SASS6: variants seen among roughly 807,000 people sequenced by gnomAD.
The protein encoded by SASS6 is spindle assembly abnormal protein 6 homolog.
A neutral mutation model predicts 94.9 loss-of-function variants in SASS6; 59 were observed. The ratio of observed to expected loss-of-function variants is 0.62; its 90% CI spans 0.50 to 0.77. The LOEUF (loss-of-function observed/expected upper bound fraction) is 0.77. Among genes scored for constraint, SASS6 ranks in the 30% least tolerant of loss-of-function variants. The pLI is 0.00. For missense variants in SASS6, 698 were observed against 734.1 expected, an observed-to-expected ratio of 0.95 and a Z score of 0.57; for synonymous variants, 264 against 270.0, an observed-to-expected ratio of 0.98 and a Z score of 0.22.
Position 100,105,905 on chromosome 1 carries a change from T to C in SASS6, c.1409-2A>G. 1 of 1,582,622 alleles carries C rather than the reference T, an allele frequency of 6.3e-7. No individual in the cohort carries two copies. Among genetic ancestry groups the C allele is most frequent in the African/African-American group, 1.4e-5 (1 of 73,762 alleles). On this transcript the variant is annotated splice_acceptor_variant, in intron 12 of 16. Transcript: ENST00000287482. LOFTEE classifies it high-confidence loss of function. ...GTTCTTTATTTAACCACGTGATTACTTAAATAAAAGAACAAGAAGCAAGGT... is the reference window on the plus strand; with the variant it reads ...GTTCTTTATTTAACCACGTGATTACCTAAATAAAAGAACAAGAAGCAAGGT...
At position 100,107,994 on chromosome 1, in the gene SASS6, C is replaced by T. The variant is rs1008962051; in HGVS notation, c.872G>A (p.Arg291Gln). 4.4e-6 allele frequency: 7 copies of T among 1,597,364 alleles called. No individual in the cohort carries two copies. The highest frequency in any genetic ancestry group is 2.3e-5 in the South Asian group (2 of 88,586). The change falls in exon 9 of 17, where the codon CGG becomes CAG. Residue 291 changes from arginine (R) to glutamine (Q), a missense_variant. Arg to Gln is a conservative substitution (Grantham distance 43). Transcript: ENST00000287482. ...CAAAGAGAGGACTTCTTGCTTAGTCCGCTGTAGCTCCTAGAATGGGAAAAG... is the reference window on the plus strand; with the variant it reads ...CAAAGAGAGGACTTCTTGCTTAGTCTGCTGTAGCTCCTAGAATGGGAAAAG... ...KLSGVEEELQ[R>Q]TKQEVLSLRR...
chr1:100,107,057 G>T, intron 11 of SASS6, 64 bp from the exon 12 acceptor site: 1 of 694,188 alleles, frequency 1.4e-6, no homozygotes, highest in South Asian at 1.8e-5. Flanking sequence ...ACTGAAGAAT[G>T]TATTATTATT....
Position 100,101,241 on chromosome 1 carries a change from G to T in SASS6, c.1674+1714C>A, listed in dbSNP as rs191389441. On this transcript the variant is annotated intron_variant, in intron 14 of 16. Coordinates refer to ENST00000287482, the MANE Select transcript of SASS6 (RefSeq NM_194292.3). The stretch of plus-strand genomic sequence containing the variant: ...CCGCCTTCTTAACCAATAATTATAC[G>T]GCATATAGTATTTCAGTAGTATATG... Among the ~76,000 whole-genome samples, 3 of 151,580 alleles carry T rather than the reference G, an allele frequency of 2.0e-5. No individual in the cohort carries two copies. In the East Asian group the frequency reaches 5.8e-4, roughly 29 times the overall value.
intron 14 of SASS6, among the ~76,000 whole-genome samples, chr1:100,091,975 T>A (rs1312904116): frequency 8.4e-6 from 1 of 118,530 alleles, no homozygotes; most frequent in Non-Finnish European, 1.6e-5. Context: ...ACCACTGTAC[T>A]CCAGCCTGAG....
chr1:100,099,404 C>T (rs1382798904), intron 14 of SASS6: 1 of 153,502 alleles, frequency 6.5e-6, no homozygotes, highest in Non-Finnish European at 1.5e-5. Flanking sequence ...CAAAAGAGAC[C>T]TTACAGTAAT....
chr1:100,099,573 G>C (rs1402591948), intron 14 of SASS6: 1 of 152,228 alleles, frequency 6.6e-6, no homozygotes, highest in African/African-American at 2.4e-5. Flanking sequence ...TTGGGATAGG[G>C]GCTCCCCAAA....
chr1:100,098,679 C>T (rs933066485), intron 14 of SASS6, among the ~76,000 whole-genome samples: 1 of 149,956 alleles, frequency 6.7e-6, no homozygotes, highest in Non-Finnish European at 1.5e-5. Context: ...TTGAAAAAAA[C>T]CTACTCATCC....
At chr1:100,088,049 TG>T in intron 15 of SASS6, 89 bp downstream of exon 15, 1 of 617,300 alleles carries the variant, frequency 1.6e-6, no homozygotes. Context: ...GGTAAACAGG[TG>T]GGCATCACAG....
At chr1:100,096,976 G>T (rs565873360) in intron 14 of SASS6, among the ~76,000 whole-genome samples, 4 of 152,142 alleles carry the variant, frequency 2.6e-5, no homozygotes, top group Admixed American at 1.3e-4. Flanking sequence ...TTAGCTGGAC[G>T]TGGTGGCGTG....
At chr1:100,085,711 T>A in intron 15 of SASS6, 81 bp from the exon 16 acceptor site, 1 of 754,264 alleles carries the variant, frequency 1.3e-6, no homozygotes, top group South Asian at 1.7e-5. Context: ...TACATATATA[T>A]AAGATAATGT....
intron 1 of SASS6, among the ~76,000 whole-genome samples, chr1:100,128,740 T>C (rs1570714470): frequency 6.6e-6 from 1 of 152,234 alleles, no homozygotes; most frequent in Non-Finnish European, 1.5e-5. Flanking sequence ...TCGTACTCAA[T>C]AGATGTCTAA....
intron 14 of SASS6, among the ~76,000 whole-genome samples, chr1:100,089,095 A>G (rs1570681192): frequency 6.6e-6 from 1 of 152,152 alleles, no homozygotes; most frequent in Non-Finnish European, 1.5e-5. Context: ...TGAAAAGAAA[A>G]TTCCAGACAT....
intron 8 of SASS6, 43 bp from the exon 9 acceptor site, chr1:100,108,047 A>G (rs770371398): frequency 2.5e-6 from 3 of 1,179,580 alleles, no homozygotes; most frequent in Non-Finnish European, 3.6e-6. Flanking sequence ...TGAAAAAAGG[A>G]AGCTGCCTCA....
In SASS6 at chr1:100,083,678, T is replaced by C. The variant is rs1413567188; in HGVS notation, c.*1650A>G. 1.3e-5 allele frequency: 2 copies of C among 152,026 alleles called. No homozygotes were observed. The highest frequency in any genetic ancestry group is 2.1e-4 in the South Asian group (1 of 4,826). 9.4% of individuals were successfully genotyped at this position (152,026 alleles called of 1,614,324 possible). A position where few individuals can be genotyped will look rare whatever the true frequency, so the allele number is the denominator to read the frequency against. ...TGTACAATTTTACACTGCAAAACAA[T>C]TGCAACTAAAAGTTTAGGAGGTAAA... On this transcript the variant is annotated 3_prime_UTR_variant, in exon 17 of 17. Transcript: ENST00000287482.
At chr1:100,091,065 G>C (rs1651644903) in intron 14 of SASS6, among the ~76,000 whole-genome samples, 1 of 152,156 alleles carries the variant, frequency 6.6e-6, no homozygotes, top group Non-Finnish European at 1.5e-5. Flanking sequence ...AGCATTTTGG[G>C]AGGCTGAGGT....
chr1:100,089,138 A>G (rs1191045098), intron 14 of SASS6, among the ~76,000 whole-genome samples: 1 of 152,180 alleles, frequency 6.6e-6, no homozygotes, highest in African/African-American at 2.4e-5. Flanking sequence ...AAAATTTCTC[A>G]CTGAATAAAT....
intron 14 of SASS6, among the ~76,000 whole-genome samples, chr1:100,090,355 T>C (rs1651583877): frequency 6.6e-6 from 1 of 152,138 alleles, no homozygotes; most frequent in African/African-American, 2.4e-5. Flanking sequence ...AAATGATACT[T>C]CATGTAAATA....
intron 14 of SASS6, among the ~76,000 whole-genome samples, chr1:100,091,259 T>G (rs979066376): frequency 6.6e-6 from 1 of 152,146 alleles, no homozygotes; most frequent in African/African-American, 2.4e-5. Flanking sequence ...ATTGCACCAC[T>G]ATCCTCCAGC....
intron 14 of SASS6, among the ~76,000 whole-genome samples, chr1:100,098,357 GA>G (rs1467836319): frequency 1.3e-5 from 2 of 152,032 alleles, no homozygotes; most frequent in Admixed American, 1.3e-4. Flanking sequence ...GGTGAGCCCA[GA>G]AATTCGAAGC....
Sources: gnomAD v4.1 joint callset for allele counts (sites outside exome capture counted in the v4.1 genomes callset) on GRCh38, gnomAD v4.1.1 for gene constraint, MANE v1.5 for transcripts, NCBI Gene and HGNC (gene_info 2026-07-23, HGNC 2026-07-21) for gene names.